HCN1: variants seen among roughly 807,000 people sequenced by gnomAD.
The protein encoded by HCN1 is hyperpolarization activated cyclic nucleotide gated potassium channel 1.
In HCN1, 13 loss-of-function variants were observed where a neutral mutation model predicts 78.9. That is an observed-to-expected ratio of 0.16 (90% CI 0.11 to 0.26). The LOEUF (loss-of-function observed/expected upper bound fraction) is 0.26, where lower values mean the gene tolerates loss of function less well. Ranked by LOEUF, HCN1 falls within the 10% of genes least tolerant of loss-of-function variation. The pLI is 1.00. For missense variants in HCN1, 810 were observed against 1,154.3 expected (o/e 0.70, Z 4.32); for synonymous variants, 552 against 455.5 (o/e 1.21, Z -2.70).
At chr5:45,628,521 A>G (rs553895952) in intron 2 of HCN1, among the ~76,000 whole-genome samples, 356 of 152,340 alleles carry the variant, frequency 2.3e-3, no homozygotes, top group African/African-American at 8.1e-3. Context: ...ATTAATAAGT[A>G]TACAATTCAG....
At chr5:45,362,143 GGTGT>G (rs1561123973) in intron 4 of HCN1, among the ~76,000 whole-genome samples, 1 of 148,628 alleles carries the variant, frequency 6.7e-6, no homozygotes, top group African/African-American at 2.5e-5. Flanking sequence ...AGTTTTGCTT[GGTGT>G]GTGTGTTTGT....
chr5:45,502,271 C>T (rs572692326), intron 2 of HCN1, among the ~76,000 whole-genome samples: 162 of 151,268 alleles, frequency 1.1e-3, no homozygotes, highest in Admixed American at 2.0e-3. Context: ...AGTTCCAGAC[C>T]AGCCTGATCA....
rs1307465057 is a variant in HCN1, at chr5:45,695,878, G to A, written c.216C>T (p.Gly72=). The change falls in exon 1 of 8, where the codon GGC becomes GGT. Residue 72 remains glycine, a synonymous_variant. Coordinates refer to ENST00000303230, the MANE Select transcript of HCN1 (RefSeq NM_021072.4). ...DGGGGGGGGG[G]GGEEPAGGFE... is the part of the protein sequence containing the mutation. ...AGCCCCCCGCCGGCTCCTCGCCGCC[G>A]CCGCCGCCGCCGCCACCGCCGCCAC... is the stretch of plus-strand genomic sequence containing the variant. 1.3e-6 allele frequency: 2 copies of A among 1,523,526 alleles called. No homozygotes were observed. Among genetic ancestry groups the A allele is most frequent in the Non-Finnish European group, 1.8e-6 (2 of 1,137,168 alleles). 94.4% of individuals were successfully genotyped at this position (1,523,526 alleles called of 1,614,324 possible). A position where few individuals can be genotyped will look rare whatever the true frequency, so the allele number is the denominator to read the frequency against.
At chr5:45,633,505 C>T (rs1745304821) in intron 2 of HCN1, among the ~76,000 whole-genome samples, 1 of 151,884 alleles carries the variant, frequency 6.6e-6, no homozygotes, top group South Asian at 2.1e-4. Flanking sequence ...TAGAGCCATT[C>T]TCGAAATATT....
At chr5:45,397,802 T>C (rs1248727939) in intron 3 of HCN1, among the ~76,000 whole-genome samples, 1 of 151,714 alleles carries the variant, frequency 6.6e-6, no homozygotes, top group African/African-American at 2.4e-5. Context: ...TAATACTGTA[T>C]TAATGTGATA....
At position 45,259,140 on chromosome 5, in the gene HCN1, G is replaced by A. The variant is rs1014432967; in HGVS notation, c.*2781C>T. 1 of 152,014 alleles carries A rather than the reference G, an allele frequency of 6.6e-6. No homozygotes were observed. The highest frequency in any genetic ancestry group is 2.1e-4 in the South Asian group (1 of 4,818). The allele number at this position is 152,014 out of a possible 1,614,324, so 9.4% of individuals were successfully genotyped here. A position where few individuals can be genotyped will look rare whatever the true frequency, so the allele number is the denominator to read the frequency against. On this transcript the variant is annotated 3_prime_UTR_variant, in exon 8 of 8. Coordinates refer to ENST00000303230, the MANE Select transcript of HCN1 (RefSeq NM_021072.4). ...ATAATTGATTTTATGTGATTATCAA[G>A]TATAAGCTCTTGGAAATTTTATGAT...
chr5:45,313,164 G>T (rs1269100988), intron 5 of HCN1, among the ~76,000 whole-genome samples: 2 of 152,134 alleles, frequency 1.3e-5, no homozygotes, highest in African/African-American at 2.4e-5. Flanking sequence ...CCTCTGAGAT[G>T]AAGCTTCCAG....
In HCN1 at chr5:45,400,011, A is replaced by G. The variant is rs903226861; in HGVS notation, c.1012-3301T>C. 5.9e-4 allele frequency among the ~76,000 whole-genome samples: 90 copies of G among 152,230 alleles called. 1 individual carries two copies. The highest frequency in any genetic ancestry group is 5.8e-3 in the Admixed American group (89 of 15,268). On this transcript the variant is annotated intron_variant, in intron 3 of 7. Coordinates refer to ENST00000303230, the MANE Select transcript of HCN1 (RefSeq NM_021072.4). ...TATAATACTCAGAAATACATCTAAG[A>G]TTTCCAAAATTCTAGATGGTCCATG...
chr5:45,431,908 G>A (rs1232224039), intron 3 of HCN1, among the ~76,000 whole-genome samples: 1 of 152,020 alleles, frequency 6.6e-6, no homozygotes, highest in Non-Finnish European at 1.5e-5. Context: ...GATTGCCTTG[G>A]CTATTTAGGC....
At chr5:45,318,592 AG>A (rs1746052813) in intron 5 of HCN1, among the ~76,000 whole-genome samples, 2 of 151,738 alleles carry the variant, frequency 1.3e-5, no homozygotes, top group African/African-American at 4.8e-5. Flanking sequence ...TAAAATAAAA[AG>A]AAAAGTATAA....
chr5:45,335,422 A>G (rs765062546), intron 5 of HCN1, among the ~76,000 whole-genome samples: 2 of 152,068 alleles, frequency 1.3e-5, no homozygotes, highest in Non-Finnish European at 2.9e-5. Flanking sequence ...ACATTTCAAT[A>G]TCAAATTTTG....
At chr5:45,283,938 A>C (rs1745218077) in intron 6 of HCN1, among the ~76,000 whole-genome samples, 1 of 152,196 alleles carries the variant, frequency 6.6e-6, no homozygotes, top group Non-Finnish European at 1.5e-5. Context: ...CAGTATATAG[A>C]CATCATAGAA....
chr5:45,595,847 A>G (rs1439808401), intron 2 of HCN1, among the ~76,000 whole-genome samples: 1 of 148,670 alleles, frequency 6.7e-6, no homozygotes, highest in African/African-American at 2.5e-5. Context: ...TTTTTTTTTT[A>G]CTTTATAACG....
At chr5:45,581,708 G>T (rs1744077338) in intron 2 of HCN1, among the ~76,000 whole-genome samples, 1 of 152,152 alleles carries the variant, frequency 6.6e-6, no homozygotes, top group Admixed American at 6.5e-5. Context: ...TAAGGTGTAA[G>T]GAAGGGATCC....
chr5:45,621,577 C>T (rs1745063804), intron 2 of HCN1, among the ~76,000 whole-genome samples: 1 of 152,036 alleles, frequency 6.6e-6, no homozygotes, highest in African/African-American at 2.4e-5. Context: ...TTTATGAACC[C>T]AAAAACATGA....
chr5:45,553,903 T>A (rs577333353), intron 2 of HCN1, among the ~76,000 whole-genome samples: 1 of 151,892 alleles, frequency 6.6e-6, no homozygotes, highest in Non-Finnish European at 1.5e-5. Context: ...TACCTGGAAG[T>A]CACATATGCC....
In HCN1 at chr5:45,404,693, C is replaced by CAA. The variant is rs60728403; in HGVS notation, c.1012-7985_1012-7984dup. Among the ~76,000 whole-genome samples the CAA allele has an allele frequency of 3.1e-3, 175 of 56,156 alleles. 3 individuals are homozygous for CAA. The highest frequency in any genetic ancestry group is 4.5e-3 in the African/African-American group (75 of 16,820). 36.8% of individuals were successfully genotyped at this position (56,156 alleles called of 152,430 possible). A position where few individuals can be genotyped will look rare whatever the true frequency, so the allele number is the denominator to read the frequency against. On this transcript the variant is annotated intron_variant, in intron 3 of 7. Transcript: ENST00000303230. Reference sequence around the variant, plus strand: ...GGGAGTCAGGATGAAGGGCTATTTGCAAAAAAAAAAAAAAAAAAAAAAAAA... The same window carrying CAA: ...GGGAGTCAGGATGAAGGGCTATTTGCAAAAAAAAAAAAAAAAAAAAAAAAAAA...
At position 45,601,465 on chromosome 5, in the gene HCN1, G is replaced by T. The variant is rs528132117; in HGVS notation, c.849+43720C>A. Reference sequence around the variant, plus strand: ...GTGTTTCTCACCTGTAAAATCAGAAGCTAGGAGATGACAGCTAAAATCTAG... The same window carrying T: ...GTGTTTCTCACCTGTAAAATCAGAATCTAGGAGATGACAGCTAAAATCTAG... On this transcript the variant is annotated intron_variant, in intron 2 of 7. Coordinates refer to ENST00000303230, the MANE Select transcript of HCN1 (RefSeq NM_021072.4). Among the ~76,000 whole-genome samples the T allele has an allele frequency of 7.2e-5, 11 of 152,246 alleles. No individual in the cohort carries two copies. The South Asian group carries it at 2.3e-3, about 32-fold the overall frequency.
chr5:45,371,957 A>G (rs1747379336), intron 4 of HCN1, among the ~76,000 whole-genome samples: 1 of 94,338 alleles, frequency 1.1e-5, no homozygotes, highest in South Asian at 2.8e-4. Flanking sequence ...AATATAATAT[A>G]ATTATATATT....
Sources: gnomAD v4.1 joint callset for allele counts (sites outside exome capture counted in the v4.1 genomes callset) on GRCh38, gnomAD v4.1.1 for gene constraint, MANE v1.5 for transcripts, NCBI Gene and HGNC (gene_info 2026-07-23, HGNC 2026-07-21) for gene names.